Variants in SLMAP observed in about 807,000 individuals in gnomAD.
SLMAP encodes the protein sarcolemmal membrane-associated protein.
A neutral mutation model predicts 128.8 loss-of-function variants in SLMAP; 44 were observed. The observed-to-expected ratio is 0.34, with a 90% CI of 0.27 to 0.44. SLMAP has a LOEUF of 0.44. Ranked by LOEUF, SLMAP falls within the 20% of genes least tolerant of loss-of-function variation. The probability of loss-of-function intolerance (pLI) is 1.00; values close to 1 mark genes in which losing one functional copy is unlikely to be tolerated. For synonymous variants in SLMAP, 327 were observed against 348.8 expected (o/e 0.94, Z 0.70); for missense variants, 787 against 985.3 (o/e 0.80, Z 2.69).
At chr3:57,830,355 G>A (rs1054586157) in intron 2 of SLMAP, among the ~76,000 whole-genome samples, 2 of 152,244 alleles carry the variant, frequency 1.3e-5, no homozygotes, top group Non-Finnish European at 2.9e-5. Context: ...ATGAGGGCCT[G>A]ATGGCAAAAG....
intron 17 of SLMAP, among the ~76,000 whole-genome samples, chr3:57,905,385 G>T (rs1242664185): frequency 6.6e-6 from 1 of 151,946 alleles, no homozygotes; most frequent in African/African-American, 2.4e-5. Flanking sequence ...GGGTTCAAGC[G>T]ATTCTCCTGC....
intron 4 of SLMAP, among the ~76,000 whole-genome samples, chr3:57,844,711 CTTT>C (rs35011644): frequency 9.8e-5 from 9 of 92,248 alleles, no homozygotes; most frequent in African/African-American, 8.2e-5. Flanking sequence ...TCTATTTAGA[CTTT>C]TTTTTTTTTT....
chr3:57,876,854 C>A (rs1189083905), intron 14 of SLMAP, among the ~76,000 whole-genome samples: 1 of 152,200 alleles, frequency 6.6e-6, no homozygotes, highest in African/African-American at 2.4e-5. Context: ...CTCTGGACTG[C>A]TGCCTGCCCC....
intron 2 of SLMAP, among the ~76,000 whole-genome samples, chr3:57,762,053 CAAAAAAAAAA>C (rs1312577556): frequency 2.0e-4 from 9 of 45,544 alleles, no homozygotes; most frequent in Non-Finnish European, 3.5e-4. Flanking sequence ...GACTCCGTCT[CAAAAAAAAAA>C]AAAAAAAAAA....
intron 2 of SLMAP, among the ~76,000 whole-genome samples, chr3:57,805,497 C>T (rs1415729253): frequency 1.3e-5 from 2 of 152,302 alleles, no homozygotes; most frequent in East Asian, 3.9e-4. Flanking sequence ...CAACTGCTGC[C>T]TTTATCACTG....
intron 14 of SLMAP, among the ~76,000 whole-genome samples, chr3:57,887,432 G>A (rs561817980): frequency 5.3e-5 from 8 of 152,076 alleles, no homozygotes; most frequent in South Asian, 4.2e-4. Context: ...GGCTGGTCTC[G>A]AACTCCTGAC....
rs147682531 is a variant in SLMAP, at chr3:57,912,113, G to A, written c.1700-268G>A. On this transcript the variant is annotated intron_variant, in intron 19 of 24. Coordinates refer to ENST00000671191, the MANE Select transcript of SLMAP (RefSeq NM_001377540.1). ...TGTGATCACTCCCTATTTAATGTTT[G>A]TTTTTACATGTTTATAAATGCATAG... Among the ~76,000 whole-genome samples, 329 of 152,180 alleles carry A rather than the reference G, an allele frequency of 2.2e-3. 1 individual carries two copies. The highest frequency in any genetic ancestry group is 7.7e-3 in the African/African-American group (319 of 41,526).
At chr3:57,896,340 A>G in intron 15 of SLMAP, 171 bp from the exon 16 acceptor site, 1 of 1,363,218 alleles carries the variant, frequency 7.3e-7, no homozygotes. Context: ...TGTAATAACC[A>G]GCATTCCATT....
intron 4 of SLMAP, 41 bp downstream of exon 4, chr3:57,841,412 G>A (rs2093928417): frequency 1.7e-6 from 2 of 1,168,140 alleles, no homozygotes; most frequent in Non-Finnish European, 2.5e-6. Flanking sequence ...GTGAAGTTTA[G>A]TACTGTAAAG....
rs944892682 is a variant in SLMAP at position 57,844,765 on chromosome 3, A to G, written c.420-2432A>G. On this transcript the variant is annotated intron_variant, in intron 4 of 24. Coordinates refer to ENST00000671191, the MANE Select transcript of SLMAP (RefSeq NM_001377540.1). ...AGTCTTGCTCAGTTGCCCAGGCTGT[A>G]GTGCGGTGGTGTGATCTCGGCTCAC... is the stretch of plus-strand genomic sequence containing the variant. Among the ~76,000 whole-genome samples, 3 of 126,754 alleles carry G rather than the reference A, an allele frequency of 2.4e-5. No individual in the cohort carries two copies. In the Admixed American group the frequency reaches 3.0e-4, roughly 13 times the overall value. 83.2% of individuals were successfully genotyped at this position (126,754 alleles called of 152,430 possible). A position where few individuals can be genotyped will look rare whatever the true frequency, so the allele number is the denominator to read the frequency against.
rs528853947 is a variant in SLMAP at position 57,837,872 on chromosome 3, G to T, written c.347-3427G>T. Reference sequence around the variant, plus strand: ...ACATGTCTATGCATGTGTGTATCTGGTTGTCATGAGAATCACATTAAAGGC... The same window carrying T: ...ACATGTCTATGCATGTGTGTATCTGTTTGTCATGAGAATCACATTAAAGGC... On this transcript the variant is annotated intron_variant, in intron 3 of 24. Transcript: ENST00000671191. 2.6e-5 allele frequency among the ~76,000 whole-genome samples: 4 copies of T among 152,318 alleles called. No homozygotes were observed. In the East Asian group the frequency reaches 7.7e-4, roughly 29 times the overall value.
chr3:57,912,026 C>T (rs1200840906), intron 19 of SLMAP, among the ~76,000 whole-genome samples: 1 of 146,850 alleles, frequency 6.8e-6, no homozygotes, highest in Non-Finnish European at 1.5e-5. Context: ...GTTATATATA[C>T]TATAACTATT....
At chr3:57,864,759 CTTG>C (rs2095245506) in intron 11 of SLMAP, 43 bp downstream of exon 11, 4 of 1,558,362 alleles carry the variant, frequency 2.6e-6, no homozygotes, top group Non-Finnish European at 8.7e-7. Context: ...TATTTTTTTT[CTTG>C]TTATCTGTGA....
At chr3:57,855,612 C>CA (rs896926883) in intron 6 of SLMAP, among the ~76,000 whole-genome samples, 1 of 145,926 alleles carries the variant, frequency 6.9e-6, no homozygotes, top group African/African-American at 2.5e-5. Flanking sequence ...CATGGTGGCT[C>CA]ATGCCTGAAA....
intron 4 of SLMAP, among the ~76,000 whole-genome samples, chr3:57,844,625 T>C (rs2094149543): frequency 6.6e-6 from 1 of 151,910 alleles, no homozygotes; most frequent in Admixed American, 6.6e-5. Flanking sequence ...ATTAATGGGA[T>C]TGTTATGAGA....
At chr3:57,926,791 G>C (rs1390326040) in intron 24 of SLMAP, among the ~76,000 whole-genome samples, 1 of 152,140 alleles carries the variant, frequency 6.6e-6, no homozygotes, top group Non-Finnish European at 1.5e-5. Flanking sequence ...CTTGAACCCT[G>C]TTTGATTTTG....
intron 14 of SLMAP, among the ~76,000 whole-genome samples, chr3:57,878,960 G>C (rs1211053352): frequency 6.6e-6 from 1 of 152,198 alleles, no homozygotes; most frequent in African/African-American, 2.4e-5. Context: ...ATCAGTATCA[G>C]ATAGTCTGTG....
At chr3:57,816,254 C>T (rs1227100378) in intron 2 of SLMAP, among the ~76,000 whole-genome samples, 1 of 152,128 alleles carries the variant, frequency 6.6e-6, no homozygotes, top group Non-Finnish European at 1.5e-5. Flanking sequence ...AGTTATTCTC[C>T]TGCCTCAGCC....
In SLMAP at chr3:57,860,837, G is replaced by A. The variant is rs146606397; in HGVS notation, c.826G>A (p.Glu276Lys). ...IEVVRKLSEV[E>K]RSLSNTEDEC... ...AGTGGTTAGAAAACTTTCAGAAGTT[G>A]AGGTATTTCAATCAAAAAAAAAATA... Residue 276 changes from glutamate (E) to lysine (K), a missense_variant and splice_region_variant, in exon 9 of 25, where the codon GAG becomes AAG. Physicochemically the swap from Glu to Lys is moderately conservative, Grantham distance 56. Coordinates refer to ENST00000671191, the MANE Select transcript of SLMAP (RefSeq NM_001377540.1). 3.8e-6 allele frequency: 6 copies of A among 1,582,078 alleles called. No individual in the cohort carries two copies.
Sources: gnomAD v4.1 joint callset for allele counts (sites outside exome capture counted in the v4.1 genomes callset) on GRCh38, gnomAD v4.1.1 for gene constraint, MANE v1.5 for transcripts, NCBI Gene and HGNC (gene_info 2026-07-23, HGNC 2026-07-21) for gene names.